Variants in MED25 observed in about 807,000 individuals in gnomAD.
MED25 encodes the protein mediator of RNA polymerase II transcription subunit 25.
A neutral mutation model predicts 89.4 loss-of-function variants in MED25; 62 were observed. The observed-to-expected ratio is 0.69, with a 90% CI of 0.57 to 0.86. MED25 has a LOEUF of 0.86. MED25 is among the 40% of genes least tolerant of loss of function. The pLI, the probability that MED25 is intolerant of heterozygous loss-of-function variation, is 0.00. For synonymous variants in MED25, 449 were observed against 427.9 expected (o/e 1.05, Z -0.61); for missense variants, 905 against 1,005.2 (o/e 0.90, Z 1.35).
chr19:49,832,503 C>G lies in MED25; in HGVS notation c.1482+88C>G, dbSNP rs189747554. On this transcript the variant is annotated intron_variant, in intron 13 of 17. Transcript: ENST00000312865. ...GACGGGAATCCCAGAGTGCCTGGGC[C>G]CACGGAAGCCGTTTTTGATGGTTGG... is the stretch of plus-strand genomic sequence containing the variant. 8.3e-5 allele frequency: 68 copies of G among 814,582 alleles called. No individual in the cohort carries two copies. In the East Asian group the frequency reaches 1.8e-3, roughly 22 times the overall value. 50.5% of individuals were successfully genotyped at this position (814,582 alleles called of 1,614,324 possible). A position where few individuals can be genotyped will look rare whatever the true frequency, so the allele number is the denominator to read the frequency against.
In MED25 at chr19:49,820,983, C is replaced by T. The variant is rs118088754; in HGVS notation, c.305+1687C>T. The stretch of plus-strand genomic sequence containing the variant: ...TTATTCTTAGCTGTATAATAGATTA[C>T]CACCAAATAATGGCTGCATACTGCA... On this transcript the variant is annotated intron_variant, in intron 3 of 17. Transcript: ENST00000312865. 5.4e-3 allele frequency among the ~76,000 whole-genome samples: 816 copies of T among 152,344 alleles called. 2 individuals carry two copies. The highest frequency in any genetic ancestry group is 0.01 in the Middle Eastern group (3 of 294).
intron 3 of MED25, 32 bp from the exon 4 acceptor site, chr19:49,828,416 CA>C: frequency 1.4e-6 from 2 of 1,464,474 alleles, no homozygotes; most frequent in Non-Finnish European, 9.4e-7. Context: ...GGGATGATGG[CA>C]ACCCTGGGGG....
At chr19:49,823,500 G>C (rs1301860527) in intron 3 of MED25, among the ~76,000 whole-genome samples, 1 of 152,004 alleles carries the variant, frequency 6.6e-6, no homozygotes, top group African/African-American at 2.4e-5. Context: ...TCACTCTCCT[G>C]GTTTGCAAAT....
chr19:49,822,614 C>T (rs774761634), intron 3 of MED25, among the ~76,000 whole-genome samples: 13 of 148,358 alleles, frequency 8.8e-5, no homozygotes, highest in African/African-American at 2.2e-4. Flanking sequence ...GGAAGTTACA[C>T]GTCATGTCAT....
intron 3 of MED25, among the ~76,000 whole-genome samples, chr19:49,824,434 A>T (rs1417281008): frequency 6.6e-6 from 1 of 152,040 alleles, no homozygotes; most frequent in Non-Finnish European, 1.5e-5. Flanking sequence ...AAATAGAAAA[A>T]ATTAACCAGG....
intron 3 of MED25, among the ~76,000 whole-genome samples, chr19:49,825,390 A>C (rs2074009282): frequency 6.6e-6 from 1 of 151,922 alleles, no homozygotes. Context: ...CTGGGATTAC[A>C]CGTACCCACC....
chr19:49,822,457 T>A (rs955057269), intron 3 of MED25, among the ~76,000 whole-genome samples: 1 of 151,502 alleles, frequency 6.6e-6, no homozygotes, highest in Non-Finnish European at 1.5e-5. Context: ...GTTTTTTTTG[T>A]GGAGACAAGG....
At position 49,822,418 on chromosome 19, in the gene MED25, T is replaced by C. The variant is rs369548606; in HGVS notation, c.305+3122T>C. Among the ~76,000 whole-genome samples the C allele has an allele frequency of 6.9e-3, 1,052 of 152,104 alleles. 5 individuals carry two copies. Among genetic ancestry groups the C allele is most frequent in the South Asian group, 0.012 (59 of 4,816 alleles). On this transcript the variant is annotated intron_variant, in intron 3 of 17. Transcript: ENST00000312865. ...CTGCGCTCCAGCTTGGGTGACTGAC[T>C]GACTGAGACCCTGTCTCAAAAAAAA... is the stretch of plus-strand genomic sequence containing the variant.
At chr19:49,827,951 C>T (rs774100352) in intron 3 of MED25, among the ~76,000 whole-genome samples, 6 of 152,080 alleles carry the variant, frequency 3.9e-5, no homozygotes, top group African/African-American at 9.7e-5. Flanking sequence ...AAATGTCGGC[C>T]GGGTGTGGTG....
At position 49,836,009 on chromosome 19, in the gene MED25, G is replaced by T. The variant is rs2074095217; in HGVS notation, c.1965+64G>T. ...TGGCCCTGGTGGTTCTGGTCCTGTT[G>T]TCTGGGAGGAGGGAGGTTGACTGTG... On this transcript the variant is annotated intron_variant, in intron 16 of 17. Transcript: ENST00000312865. The surrounding 1 kb of genome is among the most constrained non-coding windows in gnomAD (Gnocchi z 5.1). The T allele has an allele frequency of 6.3e-7, 1 of 1,587,210 alleles. No individual in the cohort carries two copies. The highest frequency in any genetic ancestry group is 8.6e-7 in the Non-Finnish European group (1 of 1,168,212).
At position 49,834,522 on chromosome 19, in the gene MED25, C is replaced by A; in HGVS notation, c.1483-464C>A. ...TCACAGCGACCCTGTGATGTGGGAG[C>A]ACTCCCCGTGGTGTACACTGGCCGG... On this transcript the variant is annotated intron_variant, in intron 13 of 17. Coordinates refer to ENST00000312865, the MANE Select transcript of MED25 (RefSeq NM_030973.4). The surrounding 1 kb of genome is among the most constrained non-coding windows in gnomAD (Gnocchi z 4.1). 4.5e-6 allele frequency: 1 copy of A among 220,342 alleles called. No homozygotes were observed. The highest frequency in any genetic ancestry group is 9.3e-6 in the Non-Finnish European group (1 of 107,820). The allele number at this position is 220,342 out of a possible 1,614,324, so 13.6% of individuals were successfully genotyped here. A position where few individuals can be genotyped will look rare whatever the true frequency, so the allele number is the denominator to read the frequency against.
Position 49,830,923 on chromosome 19 carries a change from C to T in MED25, c.1101+36C>T. On this transcript the variant is annotated intron_variant, in intron 9 of 17. Coordinates refer to ENST00000312865, the MANE Select transcript of MED25 (RefSeq NM_030973.4). The surrounding 1 kb of genome is among the most constrained non-coding windows in gnomAD (Gnocchi z 4.6). The stretch of plus-strand genomic sequence containing the variant: ...GCACGCCTCCTGCCCCTGCTCCTTC[C>T]TCCTGCTGTCCACAGCTAGGACAGT... The T allele has an allele frequency of 1.3e-6, 2 of 1,588,020 alleles. No individual in the cohort carries two copies. The highest frequency in any genetic ancestry group is 2.2e-5 in the East Asian group (1 of 44,798).
At chr19:49,832,052 G>C (rs1465954394) in intron 11 of MED25, 31 bp downstream of exon 11, 15 of 1,613,592 alleles carry the variant, frequency 9.3e-6, no homozygotes, top group Non-Finnish European at 1.3e-5. Context: ...GGGTGTGGTG[G>C]GGCTGGGGCT....
In MED25 at chr19:49,830,740, C is replaced by T. The variant is rs554447029; in HGVS notation, c.954C>T (p.Pro318=). ...AACAAGCTGCTCCCGGAGTGGGTCCCCCCTTCAGCCAGGCCCCAGCTCCCC... is the reference window on the plus strand; with the variant it reads ...AACAAGCTGCTCCCGGAGTGGGTCCTCCCTTCAGCCAGGCCCCAGCTCCCC... The part of the protein sequence containing the change: ...PLQQAAPGVG[P]PFSQAPAPQL... Residue 318 remains proline, a synonymous_variant, in exon 9 of 18, where the codon CCC becomes CCT. Coordinates refer to ENST00000312865, the MANE Select transcript of MED25 (RefSeq NM_030973.4). This position sits in a 1 kb window ranked among gnomAD's most constrained non-coding sequence, Gnocchi z 4.6. 61 of 1,613,780 alleles carry T rather than the reference C, an allele frequency of 3.8e-5. No homozygotes were observed. Among genetic ancestry groups the T allele is most frequent in the Non-Finnish European group, 5.0e-5 (59 of 1,179,922 alleles).
At position 49,835,666 on chromosome 19, in the gene MED25, G is replaced by C; in HGVS notation, c.1746+61G>C. 6.3e-7 allele frequency: 1 copy of C among 1,575,986 alleles called. No homozygotes were observed. The highest frequency in any genetic ancestry group is 8.6e-7 in the Non-Finnish European group (1 of 1,161,354). On this transcript the variant is annotated intron_variant, in intron 15 of 17. Coordinates refer to ENST00000312865, the MANE Select transcript of MED25 (RefSeq NM_030973.4). The surrounding 1 kb of genome is among the most constrained non-coding windows in gnomAD (Gnocchi z 6.2). ...GGGAGGCCCCAAGGCTGCGCTCTGTGCCTGCAGAAGGGGCGTGAGGCCCTG... is the reference window on the plus strand; with the variant it reads ...GGGAGGCCCCAAGGCTGCGCTCTGTCCCTGCAGAAGGGGCGTGAGGCCCTG...
chr19:49,832,915 C>T (rs1033443629), intron 13 of MED25: 3 of 217,476 alleles, frequency 1.4e-5, no homozygotes, highest in South Asian at 6.7e-5. Flanking sequence ...TCCTCCATCC[C>T]GCAGCTGTCT....
In MED25 at chr19:49,834,409, C is replaced by A. The variant is rs1380354187; in HGVS notation, c.1483-577C>A. 5.9e-6 allele frequency: 1 copy of A among 168,694 alleles called. No homozygotes were observed. Among genetic ancestry groups the A allele is most frequent in the East Asian group, 1.5e-4 (1 of 6,560 alleles). The allele number at this position is 168,694 out of a possible 1,614,324, so 10.4% of individuals were successfully genotyped here. A position where few individuals can be genotyped will look rare whatever the true frequency, so the allele number is the denominator to read the frequency against. Reference sequence around the variant, plus strand: ...CCTGCCCTGAATGCTCCATGTGTTACCCCCCTGATGACCAGTGATGTTTCC... The same window carrying A: ...CCTGCCCTGAATGCTCCATGTGTTAACCCCCTGATGACCAGTGATGTTTCC... On this transcript the variant is annotated intron_variant, in intron 13 of 17. Transcript: ENST00000312865. This position sits in a 1 kb window ranked among gnomAD's most constrained non-coding sequence, Gnocchi z 4.1.
chr19:49,830,924 T>TCCTGCCCCTGCTCCTTCCG lies in MED25; in HGVS notation c.1101+42_1101+43insCCCTGCTCCTTCCGCCTGC. On this transcript the variant is annotated intron_variant, in intron 9 of 17. Transcript: ENST00000312865. The surrounding 1 kb of genome is among the most constrained non-coding windows in gnomAD (Gnocchi z 4.6). Reference sequence around the variant, plus strand: ...CACGCCTCCTGCCCCTGCTCCTTCCTCCTGCTGTCCACAGCTAGGACAGTT... The same window carrying TCCTGCCCCTGCTCCTTCCG: ...CACGCCTCCTGCCCCTGCTCCTTCCTCCTGCCCCTGCTCCTTCCGCCTGCTGTCCACAGCTAGGACAGTT... The TCCTGCCCCTGCTCCTTCCG allele has an allele frequency of 6.3e-7, 1 of 1,585,792 alleles. No homozygotes were observed. The highest frequency in any genetic ancestry group is 8.6e-7 in the Non-Finnish European group (1 of 1,164,574).
chr19:49,833,729 T>C (rs540049847), intron 13 of MED25: 2 of 152,384 alleles, frequency 1.3e-5, no homozygotes, highest in South Asian at 4.1e-4. Flanking sequence ...GCTGAGACTC[T>C]GGTCATCTGA....
Sources: gnomAD v4.1 joint callset for allele counts (sites outside exome capture counted in the v4.1 genomes callset) on GRCh38, gnomAD v4.1.1 for gene constraint, Gnocchi (gnomAD v3.1) non-coding constraint, MANE v1.5 for transcripts, NCBI Gene and HGNC (gene_info 2026-07-23, HGNC 2026-07-21) for gene names.